Variants in TOP1 observed in about 807,000 individuals in gnomAD.
The protein encoded by TOP1 is DNA topoisomerase 1.
TOP1 carries 10 observed loss-of-function variants against 111.1 expected under a neutral mutation model. That is an observed-to-expected ratio of 0.09 (90% CI 0.06 to 0.15). The LOEUF (loss-of-function observed/expected upper bound fraction) is 0.15, where lower values mean the gene tolerates loss of function less well. TOP1 is among the 10% of genes least tolerant of loss of function. TOP1 has a pLI of 1.00. For synonymous variants in TOP1, 271 were observed against 302.9 expected (o/e 0.89, Z 1.10); for missense variants, 474 against 926.7 (o/e 0.51, Z 6.34).
rs963988968 is a variant in TOP1 at position 41,110,008 on chromosome 20, AGGTGCGGTT to A, written c.1309-2768_1309-2760del. The stretch of plus-strand genomic sequence containing the variant: ...AATCTTAAAAACATGGTTAAGGGCC[AGGTGCGGTT>A]GGTGCATGCCTGTAATCCAAGCACT... On this transcript the variant is annotated intron_variant, in intron 13 of 20. Coordinates refer to ENST00000361337, the MANE Select transcript of TOP1 (RefSeq NM_003286.4). The surrounding 1 kb of genome is among the most constrained non-coding windows in gnomAD (Gnocchi z 4.2). Among the ~76,000 whole-genome samples, 9 of 152,246 alleles carry A rather than the reference AGGTGCGGTT, an allele frequency of 5.9e-5. No homozygotes were observed. The highest frequency in any genetic ancestry group is 2.2e-4 in the African/African-American group (9 of 41,468).
chr20:41,081,308 C>G, intron 7 of TOP1, 68 bp downstream of exon 7: 1 of 1,516,922 alleles, frequency 6.6e-7, no homozygotes, highest in Non-Finnish European at 8.8e-7. Flanking sequence ...TAAGCAACTT[C>G]TTAAGACAAA....
At chr20:41,037,613 G>A (rs1431023594) in intron 2 of TOP1, among the ~76,000 whole-genome samples, 1 of 152,210 alleles carries the variant, frequency 6.6e-6, no homozygotes, top group Non-Finnish European at 1.5e-5. Context: ...TTATGCGTGA[G>A]TATAGGCATT....
Position 41,092,371 on chromosome 20 carries a change from C to A in TOP1, c.615-101C>A. ...GTGAGGCCCAGAAGTCATTCCAGAG[C>A]ACTAATCAGTTGAGCGGATAATTAT... On this transcript the variant is annotated intron_variant, in intron 8 of 20. Transcript: ENST00000361337. The surrounding 1 kb of genome is among the most constrained non-coding windows in gnomAD (Gnocchi z 4.3). 1 of 548,906 alleles carries A rather than the reference C, an allele frequency of 1.8e-6. No individual in the cohort carries two copies. The highest frequency in any genetic ancestry group is 3.4e-5 in the South Asian group (1 of 29,818). The allele number at this position is 548,906 out of a possible 1,614,324, so 34.0% of individuals were successfully genotyped here.
intron 2 of TOP1, among the ~76,000 whole-genome samples, chr20:41,055,813 TCTAA>T (rs1250495742): frequency 4.6e-5 from 7 of 152,346 alleles, no homozygotes; most frequent in Non-Finnish European, 5.9e-5. Context: ...TTCAGAAACC[TCTAA>T]CTATTTATTT....
intron 2 of TOP1, among the ~76,000 whole-genome samples, chr20:41,054,918 CT>C (rs913056731): frequency 1.7e-4 from 26 of 152,194 alleles, no homozygotes; most frequent in African/African-American, 6.3e-4. Context: ...GACAGAGACA[CT>C]TTCCTTTTGT....
chr20:41,081,765 A>G lies in TOP1; in HGVS notation c.507+525A>G, dbSNP rs1215040360. ...TCATCTTGTGCCTCTTCTCTAGCTT[A>G]CTTGTACCAGTCACACTAGCCTCCT... On this transcript the variant is annotated intron_variant, in intron 7 of 20. Transcript: ENST00000361337. 2.6e-5 allele frequency among the ~76,000 whole-genome samples: 4 copies of G among 152,162 alleles called. No homozygotes were observed. The East Asian group carries it at 7.7e-4, about 29-fold the overall frequency.
chr20:41,037,436 A>C (rs562704069), intron 2 of TOP1, among the ~76,000 whole-genome samples: 1 of 152,246 alleles, frequency 6.6e-6, no homozygotes, highest in Admixed American at 6.5e-5. Flanking sequence ...TAAACAGAGA[A>C]CTCTCAAAGC....
chr20:41,089,718 A>G (rs892660180), intron 8 of TOP1, among the ~76,000 whole-genome samples: 1 of 152,178 alleles, frequency 6.6e-6, no homozygotes, highest in African/African-American at 2.4e-5. Context: ...CTGCCATACT[A>G]TCTTTTCCAC....
chr20:41,076,257 A>T lies in TOP1; in HGVS notation c.242A>T (p.His81Leu). The change falls in exon 4 of 21, where the codon CAT becomes CTT. Residue 81 changes from histidine (H) to leucine (L), a missense_variant. Coordinates refer to ENST00000361337, the MANE Select transcript of TOP1 (RefSeq NM_003286.4). ...DGSSEKHKDK[H>L]KDRDKEKRKE... ...AGCTCAGAAAAGCATAAAGACAAAC[A>T]TAAAGACAGAGACAAGGAAAAACGA... 1 of 1,607,576 alleles carries T rather than the reference A, an allele frequency of 6.2e-7. No homozygotes were observed. The highest frequency in any genetic ancestry group is 8.5e-7 in the Non-Finnish European group (1 of 1,174,526).
rs1327019260 is a variant in TOP1, at chr20:41,109,460, A to G, written c.1309-3322A>G. Among the ~76,000 whole-genome samples the G allele has an allele frequency of 6.6e-6, 1 of 152,174 alleles. No homozygotes were observed. The highest frequency in any genetic ancestry group is 1.5e-5 in the Non-Finnish European group (1 of 68,030). ...ACCAACAAGAGAAACAATTGACTAA[A>G]TGGACTTCATTAAAATTAAAAATTT... On this transcript the variant is annotated intron_variant, in intron 13 of 20. Coordinates refer to ENST00000361337, the MANE Select transcript of TOP1 (RefSeq NM_003286.4). The surrounding 1 kb of genome is among the most constrained non-coding windows in gnomAD (Gnocchi z 4.1).
chr20:41,056,193 A>G (rs1397483999), intron 2 of TOP1, among the ~76,000 whole-genome samples: 1 of 152,124 alleles, frequency 6.6e-6, no homozygotes, highest in Non-Finnish European at 1.5e-5. Flanking sequence ...CTGTCAGTTT[A>G]CCTACTGCAG....
Position 41,116,392 on chromosome 20 carries a change from C to T in TOP1, c.1822C>T (p.Pro608Ser), listed in dbSNP as rs773027520. 1.5e-5 allele frequency: 24 copies of T among 1,613,118 alleles called. No homozygotes were observed. The highest frequency in any genetic ancestry group is 7.7e-5 in the South Asian group (7 of 91,048). Reference protein sequence around the residue: ...LQQQLKELTAPDENIPAKILS... With the variant: ...LQQQLKELTASDENIPAKILS... Reference sequence around the variant, plus strand: ...GCAGCAGCTAAAAGAACTGACAGCCCGTAAGTATTGCTTGGCCAGATAGGG... The same window carrying T: ...GCAGCAGCTAAAAGAACTGACAGCCTGTAAGTATTGCTTGGCCAGATAGGG... Residue 608 changes from proline (P) to serine (S), a missense_variant and splice_region_variant, in exon 17 of 21, where the codon CCG becomes TCG. Around this residue, in one of 14 missense-constraint regions of TOP1, gnomAD observed 18 missense variants for 20.5 expected, o/e 0.88. Transcript: ENST00000361337. This position sits in a 1 kb window ranked among gnomAD's most constrained non-coding sequence, Gnocchi z 5.6.
chr20:41,035,430 A>G (rs1449833112), intron 2 of TOP1, among the ~76,000 whole-genome samples: 1 of 152,214 alleles, frequency 6.6e-6, no homozygotes, highest in Non-Finnish European at 1.5e-5. Flanking sequence ...AACACAGTTC[A>G]TTAGCATTCC....
chr20:41,041,721 A>C (rs147062706), intron 2 of TOP1, among the ~76,000 whole-genome samples: 1 of 152,326 alleles, frequency 6.6e-6, no homozygotes, highest in Non-Finnish European at 1.5e-5. Flanking sequence ...CTGCATTTTT[A>C]ATGTATCTTC....
At chr20:41,068,506 T>G (rs919413439) in intron 3 of TOP1, among the ~76,000 whole-genome samples, 2 of 151,876 alleles carry the variant, frequency 1.3e-5, no homozygotes, top group African/African-American at 4.8e-5. Flanking sequence ...GCCCAAGGGG[T>G]CCTCCCACCT....
At chr20:41,093,568 T>G (rs1337073063) in intron 9 of TOP1, among the ~76,000 whole-genome samples, 7 of 152,092 alleles carry the variant, frequency 4.6e-5, no homozygotes, top group African/African-American at 7.3e-5. Context: ...ACCCCATTTC[T>G]CCACCATTTT....
intron 2 of TOP1, among the ~76,000 whole-genome samples, chr20:41,042,137 T>C (rs1407554742): frequency 6.6e-6 from 1 of 152,212 alleles, no homozygotes; most frequent in Admixed American, 6.5e-5. Flanking sequence ...CCCAAACTTC[T>C]GGCCTCAAGT....
Position 41,080,015 on chromosome 20 carries a change from A to G in TOP1, c.336-70A>G, listed in dbSNP as rs1600576353. On this transcript the variant is annotated intron_variant, in intron 5 of 20. Coordinates refer to ENST00000361337, the MANE Select transcript of TOP1 (RefSeq NM_003286.4). This position sits in a 1 kb window ranked among gnomAD's most constrained non-coding sequence, Gnocchi z 5.0. ...GTTAGCTTCTTTTCAACGAAATGAC[A>G]TATTCCTTCTTTGTATTAATAGAAT... The G allele has an allele frequency of 2.2e-6, 2 of 910,930 alleles. No homozygotes were observed. The highest frequency in any genetic ancestry group is 4.8e-5 in the East Asian group (2 of 41,306). 56.4% of individuals were successfully genotyped at this position (910,930 alleles called of 1,614,324 possible).
In TOP1 at chr20:41,123,179, TCTC is replaced by T. The variant is rs1418089849; in HGVS notation, c.2196-13_2196-11del. The T allele has an allele frequency of 3.8e-6, 6 of 1,596,080 alleles. No individual in the cohort carries two copies. In the African/African-American group the frequency reaches 8.1e-5, roughly 21 times the overall value. ...GAGTCACCCTAATCCCCCCCTTATTTCTCCTTTGTTTGCAGGTGCAAGAAGTGG... is the reference window on the plus strand; with the variant it reads ...GAGTCACCCTAATCCCCCCCTTATTTCTTTGTTTGCAGGTGCAAGAAGTGG... On this transcript the variant is annotated splice_polypyrimidine_tract_variant and intron_variant, in intron 20 of 20. Coordinates refer to ENST00000361337, the MANE Select transcript of TOP1 (RefSeq NM_003286.4). The surrounding 1 kb of genome is among the most constrained non-coding windows in gnomAD (Gnocchi z 5.8).
Sources: gnomAD v4.1 joint callset for allele counts (sites outside exome capture counted in the v4.1 genomes callset) on GRCh38, gnomAD v4.1.1 for gene constraint, gnomAD v4.1.1 regional missense constraint, Gnocchi (gnomAD v3.1) non-coding constraint, MANE v1.5 for transcripts, NCBI Gene and HGNC (gene_info 2026-07-23, HGNC 2026-07-21) for gene names.